Variants in MELK observed in about 807,000 individuals in gnomAD.
MELK encodes the protein maternal embryonic leucine zipper kinase.
A neutral mutation model predicts 85.0 loss-of-function variants in MELK; 81 were observed. The observed-to-expected ratio is 0.95, with a 90% CI of 0.80 to 1.15. MELK has a LOEUF of 1.15. Among genes scored for constraint, MELK ranks in the 50% most tolerant of loss-of-function variants. The pLI is 0.00. For missense variants in MELK, 754 were observed against 777.5 expected, an observed-to-expected ratio of 0.97 and a Z score of 0.36; for synonymous variants, 252 against 265.0, an observed-to-expected ratio of 0.95 and a Z score of 0.48.
At chr9:36,644,703 ATACTT>A (rs963071872) in intron 11 of MELK, among the ~76,000 whole-genome samples, 2 of 152,226 alleles carry the variant, frequency 1.3e-5, no homozygotes, top group Non-Finnish European at 2.9e-5. Context: ...ATGGAAGACT[ATACTT>A]TAGATACTGA....
intron 14 of MELK, among the ~76,000 whole-genome samples, chr9:36,667,131 G>A (rs990555910): frequency 8.6e-5 from 13 of 151,630 alleles, no homozygotes; most frequent in Middle Eastern, 3.4e-3. Flanking sequence ...CTCATTCAAC[G>A]ATCTTTTTTT....
At chr9:36,624,349 G>A (rs1228240698) in intron 8 of MELK, among the ~76,000 whole-genome samples, 1 of 152,146 alleles carries the variant, frequency 6.6e-6, no homozygotes, top group Non-Finnish European at 1.5e-5. Flanking sequence ...GGTAGATCCT[G>A]GATTTGAACC....
At chr9:36,647,486 CT>C (rs1406422015) in intron 11 of MELK, among the ~76,000 whole-genome samples, 1 of 150,710 alleles carries the variant, frequency 6.6e-6, no homozygotes, top group African/African-American at 2.5e-5. Flanking sequence ...TCTTTTCTTT[CT>C]TTCTTTCTTT....
Position 36,599,389 on chromosome 9 carries a change from G to T in MELK, c.475-5G>T. The T allele has an allele frequency of 6.3e-7, 1 of 1,590,322 alleles. No homozygotes were observed. Among genetic ancestry groups the T allele is most frequent in the Non-Finnish European group, 8.6e-7 (1 of 1,163,530 alleles). On this transcript the variant is annotated splice_region_variant and splice_polypyrimidine_tract_variant and intron_variant, in intron 6 of 17. Transcript: ENST00000298048. Reference sequence around the variant, plus strand: ...TAATAAGTTTCATTTTTATCTTATTGGCAGGGTAACAAGGATTACCATCTA... The same window carrying T: ...TAATAAGTTTCATTTTTATCTTATTTGCAGGGTAACAAGGATTACCATCTA...
chr9:36,643,491 C>T (rs1278105594), intron 11 of MELK, among the ~76,000 whole-genome samples: 2 of 151,976 alleles, frequency 1.3e-5, no homozygotes, highest in Non-Finnish European at 2.9e-5. Context: ...ATTTTCAGAC[C>T]TGTGATTTTA....
chr9:36,665,310 C>A, intron 13 of MELK, 40 bp from the exon 14 acceptor site: 1 of 1,286,982 alleles, frequency 7.8e-7, no homozygotes, highest in Non-Finnish European at 1.1e-6. Context: ...ATTGACTTTT[C>A]TTCTTCAGTG....
chr9:36,671,253 T>C, intron 16 of MELK, 87 bp downstream of exon 16: 1 of 1,309,228 alleles, frequency 7.6e-7, no homozygotes. Context: ...ATGAATTGAT[T>C]AGTGTTTTTT....
chr9:36,662,473 A>T (rs1223112131), intron 13 of MELK, among the ~76,000 whole-genome samples: 1 of 151,986 alleles, frequency 6.6e-6, no homozygotes, highest in Admixed American at 6.6e-5. Context: ...CGAACTCCTG[A>T]CCTCAGGTGA....
rs538797736 is a variant in MELK, at chr9:36,671,028, A to G, written c.1536A>G (p.Gln512=). 4 of 1,612,396 alleles carry G rather than the reference A, an allele frequency of 2.5e-6. No individual in the cohort carries two copies. Among genetic ancestry groups the G allele is most frequent in the East Asian group, 4.5e-5 (2 of 44,852 alleles). Residue 512 remains glutamine (Q), a synonymous_variant, in exon 16 of 18, where the codon CAA becomes CAG. Transcript: ENST00000298048. ...GCTCAGTGGAATTGGATCTCAACCA[A>G]GCACATATGGAGGAGACTCCAAAAA... ...RCRSVELDLN[Q]AHMEETPKRK...
At chr9:36,574,351 G>A (rs1821408159) in intron 1 of MELK, among the ~76,000 whole-genome samples, 1 of 151,328 alleles carries the variant, frequency 6.6e-6, no homozygotes, top group Admixed American at 6.6e-5. Flanking sequence ...TGGGGAGGCC[G>A]AGGTGGGCGG....
intron 10 of MELK, among the ~76,000 whole-genome samples, chr9:36,635,858 G>T (rs1256347871): frequency 2.0e-5 from 3 of 148,486 alleles, no homozygotes. Context: ...GTGCAATGGC[G>T]CAGTCTCAGC....
intron 7 of MELK, chr9:36,606,740 T>C (rs1825588782): frequency 6.8e-6 from 1 of 147,964 alleles, no homozygotes; most frequent in South Asian, 2.1e-4. Flanking sequence ...TGTACATATA[T>C]ACATATATAA....
intron 8 of MELK, among the ~76,000 whole-genome samples, chr9:36,612,998 C>T (rs1034292430): frequency 1.3e-5 from 2 of 152,184 alleles, no homozygotes; most frequent in Admixed American, 6.5e-5. Context: ...ATCTCGAGTA[C>T]AAGCCAGTGT....
intron 7 of MELK, among the ~76,000 whole-genome samples, chr9:36,601,819 A>G (rs954815108): frequency 6.6e-6 from 1 of 152,184 alleles, no homozygotes; most frequent in African/African-American, 2.4e-5. Context: ...GGAATCATAC[A>G]ATATTTGTCT....
intron 5 of MELK, among the ~76,000 whole-genome samples, chr9:36,596,409 C>T (rs1587370308): frequency 1.3e-5 from 2 of 152,136 alleles, no homozygotes; most frequent in East Asian, 3.9e-4. Flanking sequence ...GCGCCTGCCA[C>T]CACGCCCGGC....
intron 1 of MELK, among the ~76,000 whole-genome samples, chr9:36,574,350 C>G (rs1821407765): frequency 6.7e-6 from 1 of 149,792 alleles, no homozygotes; most frequent in South Asian, 2.1e-4. Context: ...TTGGGGAGGC[C>G]GAGGTGGGCG....
intron 7 of MELK, 65 bp downstream of exon 7, chr9:36,599,551 G>T (rs1173171619): frequency 8.5e-6 from 10 of 1,180,078 alleles, no homozygotes; most frequent in African/African-American, 1.5e-5. Flanking sequence ...CCTGTAGTGA[G>T]TCAGGCACTG....
chr9:36,592,567 ATG>A (rs199919799), intron 4 of MELK, among the ~76,000 whole-genome samples: 18 of 151,800 alleles, frequency 1.2e-4, no homozygotes, highest in African/African-American at 1.7e-4. Context: ...TGTATTTTAT[ATG>A]TGTGTGTGTG....
chr9:36,676,537 G>C (rs1270611679), intron 17 of MELK, among the ~76,000 whole-genome samples: 1 of 152,164 alleles, frequency 6.6e-6, no homozygotes, highest in Non-Finnish European at 1.5e-5. Flanking sequence ...TAATGCGGCA[G>C]TTCTATCTAT....
Sources: gnomAD v4.1 joint callset for allele counts (sites outside exome capture counted in the v4.1 genomes callset) on GRCh38, gnomAD v4.1.1 for gene constraint, MANE v1.5 for transcripts, NCBI Gene and HGNC (gene_info 2026-07-23, HGNC 2026-07-21) for gene names.